The following MAPT variants were observed in gnomAD, a reference collection of about 807,000 sequenced individuals.
MAPT encodes microtubule-associated protein tau.
Under a neutral mutation model 67.9 loss-of-function variants are expected in MAPT, and 34 were observed. That is an observed-to-expected ratio of 0.50 (90% confidence interval 0.38 to 0.67). MAPT has a LOEUF of 0.67. Among genes scored for constraint, MAPT ranks in the 30% least tolerant of loss-of-function variants. The pLI is 0.00. For synonymous variants in MAPT, 456 were observed against 464.5 expected (o/e 0.98, Z 0.23); for missense variants, 881 against 1,115.2 (o/e 0.79, Z 2.99).
chr17:45,992,333 C>T (rs2074125300), intron 8 of MAPT, among the ~76,000 whole-genome samples: 1 of 152,170 alleles, frequency 6.6e-6, no homozygotes, highest in East Asian at 1.9e-4. Flanking sequence ...GTTTTCAGTC[C>T]CCAAATGAGA....
At chr17:45,992,195 C>T (rs1388154049) in intron 8 of MAPT, among the ~76,000 whole-genome samples, 1 of 152,176 alleles carries the variant, frequency 6.6e-6, no homozygotes, top group Non-Finnish European at 1.5e-5. Context: ...TGAGAGTTTG[C>T]TTGACTGAGT....
intron 1 of MAPT, among the ~76,000 whole-genome samples, chr17:45,938,183 A>G (rs1344510457): frequency 6.6e-6 from 1 of 152,260 alleles, no homozygotes; most frequent in African/African-American, 2.4e-5. Context: ...TCTGGAGGCC[A>G]GAAGCCCTCC....
rs35853889 is a variant in MAPT, at chr17:46,027,246, T to TG, written c.*3079dup. On this transcript the variant is annotated 3_prime_UTR_variant, in exon 13 of 13. Coordinates refer to ENST00000262410, the MANE Select transcript of MAPT (RefSeq NM_001377265.1). ...GGAAGGCTCTGGGATCTCCCCCTTG[T>TG]GGGGCAGGCTCTTGGGGCCAGCCTA... The TG allele has an allele frequency of 0.17, 25,707 of 152,570 alleles. 2,842 individuals carry two copies. The highest frequency in any genetic ancestry group is 0.42 in the East Asian group (2,191 of 5,160). The allele number at this position is 152,570 out of a possible 1,614,324, so 9.5% of individuals were successfully genotyped here. A position where few individuals can be genotyped will look rare whatever the true frequency, so the allele number is the denominator to read the frequency against.
At position 45,993,953 on chromosome 17, in the gene MAPT, C is replaced by G. The variant is rs267604921; in HGVS notation, c.1732+2367C>G. ...TAAGCAAGTCCAGAGAAGACCACCCCCTGCAGGGCCCAGATCTGAGAGAGG... is the reference window on the plus strand; with the variant it reads ...TAAGCAAGTCCAGAGAAGACCACCCGCTGCAGGGCCCAGATCTGAGAGAGG... On this transcript the variant is annotated intron_variant, in intron 8 of 12. Coordinates refer to ENST00000262410, the MANE Select transcript of MAPT (RefSeq NM_001377265.1). The G allele has an allele frequency of 8.0e-5, 126 of 1,576,402 alleles. No homozygotes were observed. The East Asian group carries it at 2.4e-3, about 30-fold the overall frequency.
intron 8 of MAPT, among the ~76,000 whole-genome samples, chr17:45,992,891 C>CAAAA (rs1187123182): frequency 1.2e-5 from 1 of 85,584 alleles, no homozygotes; most frequent in Non-Finnish European, 2.4e-5. Flanking sequence ...GATTCCTTCT[C>CAAAA]AAAAAAAAAA....
chr17:45,974,391 C>G, intron 3 of MAPT: 1 of 1,603,154 alleles, frequency 6.2e-7, no homozygotes, highest in Non-Finnish European at 8.5e-7. Context: ...CTAGATGTGA[C>G]AGCACCCTTA....
At chr17:45,954,719 G>T (rs1290062285) in intron 1 of MAPT, among the ~76,000 whole-genome samples, 3 of 152,230 alleles carry the variant, frequency 2.0e-5, no homozygotes, top group East Asian at 1.9e-4. Context: ...GGTGGCTCAC[G>T]CCTGTAATCC....
chr17:45,950,851 C>T (rs541596199), intron 1 of MAPT, among the ~76,000 whole-genome samples: 17 of 152,018 alleles, frequency 1.1e-4, no homozygotes, highest in African/African-American at 3.1e-4. Flanking sequence ...TTAGTAGAGA[C>T]GGGGTTTCAC....
At chr17:46,020,051 C>T (rs189643378) in intron 12 of MAPT, among the ~76,000 whole-genome samples, 36 of 151,134 alleles carry the variant, frequency 2.4e-4, no homozygotes, top group Non-Finnish European at 2.8e-4. Context: ...TGTCCTAGGC[C>T]CTGATGTTTG....
chr17:45,910,282 C>T (rs1406942179), intron 1 of MAPT, among the ~76,000 whole-genome samples: 1 of 152,082 alleles, frequency 6.6e-6, no homozygotes, highest in Non-Finnish European at 1.5e-5. Flanking sequence ...TTAACATGAG[C>T]CTGTGAGTGA....
chr17:45,997,965 C>T (rs1460156740), intron 9 of MAPT, among the ~76,000 whole-genome samples: 2 of 152,144 alleles, frequency 1.3e-5, no homozygotes, highest in East Asian at 3.9e-4. Context: ...GCTCCCGCCA[C>T]CCAGCACTGG....
In MAPT at chr17:46,010,777, T is replaced by C. The variant is rs73984681; in HGVS notation, c.2091+375T>C. Among the ~76,000 whole-genome samples, 809 of 152,302 alleles carry C rather than the reference T, an allele frequency of 5.3e-3. 9 individuals carry two copies. Among genetic ancestry groups the C allele is most frequent in the African/African-American group, 0.019 (772 of 41,566 alleles). The stretch of plus-strand genomic sequence containing the variant: ...CTGTCCCCAGGAGCCCCATAGCCCA[T>C]TGGAAGTTGGGCTGAAGGTGGTGGC... On this transcript the variant is annotated intron_variant, in intron 10 of 12. Coordinates refer to ENST00000262410, the MANE Select transcript of MAPT (RefSeq NM_001377265.1). The surrounding 1 kb of genome is among the most constrained non-coding windows in gnomAD (Gnocchi z 4.7).
intron 2 of MAPT, among the ~76,000 whole-genome samples, chr17:45,963,622 A>G (rs2145329442): frequency 6.6e-6 from 1 of 152,282 alleles, no homozygotes; most frequent in African/African-American, 2.4e-5. Flanking sequence ...TTCTCTTTTA[A>G]TGCTAAAAAT....
intron 1 of MAPT, among the ~76,000 whole-genome samples, chr17:45,948,925 T>C (rs2068773774): frequency 6.6e-6 from 1 of 152,216 alleles, no homozygotes; most frequent in African/African-American, 2.4e-5. Flanking sequence ...AAGGTTATTT[T>C]TGGATTCTAG....
intron 1 of MAPT, chr17:45,895,978 G>A (rs2063179290): frequency 6.6e-6 from 1 of 152,304 alleles, no homozygotes; most frequent in East Asian, 1.9e-4. Context: ...TCTTTGCTTT[G>A]TCTGTAGAGG....
chr17:45,992,332 C>T (rs1349080102), intron 8 of MAPT, among the ~76,000 whole-genome samples: 3 of 152,128 alleles, frequency 2.0e-5, no homozygotes, highest in African/African-American at 7.2e-5. Flanking sequence ...TGTTTTCAGT[C>T]CCCAAATGAG....
intron 12 of MAPT, among the ~76,000 whole-genome samples, chr17:46,023,396 C>T (rs1308105392): frequency 6.6e-6 from 1 of 152,250 alleles, no homozygotes; most frequent in Non-Finnish European, 1.5e-5. Flanking sequence ...TATCTATACA[C>T]TCACACGTGT....
At chr17:45,903,572 G>A (rs1055333544) in intron 1 of MAPT, among the ~76,000 whole-genome samples, 1 of 149,544 alleles carries the variant, frequency 6.7e-6, no homozygotes, top group African/African-American at 2.5e-5. Context: ...AAAATTAGCC[G>A]GGCGTGGTGG....
Position 46,010,862 on chromosome 17 carries a change from T to C in MAPT, c.2091+460T>C, listed in dbSNP as rs1403073168. On this transcript the variant is annotated intron_variant, in intron 10 of 12. Coordinates refer to ENST00000262410, the MANE Select transcript of MAPT (RefSeq NM_001377265.1). The surrounding 1 kb of genome is among the most constrained non-coding windows in gnomAD (Gnocchi z 4.7). ...CCTGGGCAGGTTGACGTTGAGTGGC[T>C]CCACTGTGGACAGGTGACCCGTTTG... Among the ~76,000 whole-genome samples, 1 of 152,204 alleles carries C rather than the reference T, an allele frequency of 6.6e-6. No homozygotes were observed. Among genetic ancestry groups the C allele is most frequent in the Non-Finnish European group, 1.5e-5 (1 of 68,026 alleles).
Sources: allele counts gnomAD v4.1 joint callset (sites outside exome capture counted in the v4.1 genomes callset), GRCh38; gene constraint gnomAD v4.1.1; non-coding constraint Gnocchi (gnomAD v3.1); transcripts MANE v1.5; gene names NCBI Gene and HGNC (gene_info 2026-07-23, HGNC 2026-07-21).